PCDHA12: variants seen among roughly 807,000 people sequenced by gnomAD.
PCDHA12 encodes the protein protocadherin alpha-12.
Under a neutral mutation model 60.0 loss-of-function variants are expected in PCDHA12, and 44 were observed. The observed-to-expected ratio is 0.73, with a 90% CI of 0.58 to 0.94. The LOEUF is 0.94. PCDHA12 is among the 40% of genes least tolerant of loss of function. PCDHA12 has a pLI of 0.00. For synonymous variants in PCDHA12, 569 were observed against 553.0 expected (o/e 1.03, Z -0.40); for missense variants, 1,276 against 1,239.7 (o/e 1.03, Z -0.44).
intron 1 of PCDHA12, among the ~76,000 whole-genome samples, chr5:140,944,359 T>C (rs1248806355): frequency 6.6e-6 from 1 of 152,092 alleles, no homozygotes; most frequent in African/African-American, 2.4e-5. Context: ...GGCTAATTTT[T>C]AATTTTTTAT....
chr5:141,004,715 G>T (rs989871938), intron 3 of PCDHA12, among the ~76,000 whole-genome samples: 2 of 152,162 alleles, frequency 1.3e-5, no homozygotes, highest in African/African-American at 2.4e-5. Flanking sequence ...CGAATCAGAG[G>T]TTTTTAAATA....
intron 1 of PCDHA12, among the ~76,000 whole-genome samples, chr5:140,894,199 GC>G (rs2064359112): frequency 6.6e-6 from 1 of 151,732 alleles, no homozygotes; most frequent in Admixed American, 6.6e-5. Context: ...TTTTTTCTAT[GC>G]TATTATATTC....
intron 1 of PCDHA12, among the ~76,000 whole-genome samples, chr5:140,913,961 A>T (rs909283613): frequency 2.0e-5 from 3 of 149,744 alleles, no homozygotes; most frequent in South Asian, 2.1e-4. Context: ...TATCATTTTT[A>T]AAAAAATATT....
chr5:140,967,903 A>G, intron 1 of PCDHA12: 1 of 1,614,112 alleles, frequency 6.2e-7, no homozygotes, highest in African/African-American at 1.3e-5. Context: ...AGAATGCTAC[A>G]CCCAACACCA....
chr5:140,973,362 A>G (rs2096583702), intron 1 of PCDHA12, among the ~76,000 whole-genome samples: 1 of 152,256 alleles, frequency 6.6e-6, no homozygotes, highest in Non-Finnish European at 1.5e-5. Flanking sequence ...ATTTATAAAA[A>G]TTGCACAATG....
At chr5:140,908,234 C>T (rs1262299431) in intron 1 of PCDHA12, among the ~76,000 whole-genome samples, 5 of 152,184 alleles carry the variant, frequency 3.3e-5, no homozygotes, top group Non-Finnish European at 7.3e-5. Context: ...CCTTAGTCTT[C>T]TCTTCCTCAT....
intron 1 of PCDHA12, among the ~76,000 whole-genome samples, chr5:140,935,092 C>T (rs1015892831): frequency 2.6e-5 from 4 of 152,100 alleles, no homozygotes; most frequent in Non-Finnish European, 5.9e-5. Context: ...TTCCCAGAAT[C>T]AGCCATTTTT....
intron 1 of PCDHA12, among the ~76,000 whole-genome samples, chr5:140,936,995 A>G (rs2091251299): frequency 6.6e-6 from 1 of 151,864 alleles, no homozygotes; most frequent in Non-Finnish European, 1.5e-5. Flanking sequence ...CATTGACAAT[A>G]TTGAGACAGA....
intron 3 of PCDHA12, among the ~76,000 whole-genome samples, chr5:140,999,763 T>C (rs1475737646): frequency 2.0e-5 from 3 of 152,200 alleles, no homozygotes; most frequent in African/African-American, 7.2e-5. Flanking sequence ...ACATGATGTC[T>C]TTATACTCTT....
intron 1 of PCDHA12, chr5:140,881,374 G>A: frequency 3.0e-6 from 3 of 984,938 alleles, no homozygotes; most frequent in Non-Finnish European, 3.6e-6. Flanking sequence ...ATGAATTGCA[G>A]CCGGCGGCGG....
chr5:140,959,073 G>A (rs775479268), intron 1 of PCDHA12, among the ~76,000 whole-genome samples: 2 of 152,094 alleles, frequency 1.3e-5, no homozygotes, highest in Non-Finnish European at 2.9e-5. Flanking sequence ...ATAGAATTCA[G>A]TATTATCCTT....
rs2098422397 is a variant in PCDHA12 at position 141,011,934 on chromosome 5, T to C, written c.*1997T>C. The C allele has an allele frequency of 6.5e-6, 1 of 153,836 alleles. No homozygotes were observed. The highest frequency in any genetic ancestry group is 6.5e-5 in the Admixed American group (1 of 15,306). The allele number at this position is 153,836 out of a possible 1,614,324, so 9.5% of individuals were successfully genotyped here. On this transcript the variant is annotated 3_prime_UTR_variant, in exon 4 of 4. Transcript: ENST00000398631. ...TAATATAAAAGAGGTAGGAGTCTGT[T>C]ATTTAAAAAAAGCATTAAATTTAAA...
intron 1 of PCDHA12, among the ~76,000 whole-genome samples, chr5:140,941,202 CCTTTCTTTCTTCCTTTCTTT>C (rs1442425625): frequency 7.3e-5 from 9 of 122,742 alleles, no homozygotes; most frequent in Non-Finnish European, 1.3e-4. Context: ...TTTCTTTCTT[CCTTTCTTTCTTCCTTTCTTT>C]CTTTCTTTCT....
chr5:140,896,485 C>G (rs1259028670), intron 1 of PCDHA12, among the ~76,000 whole-genome samples: 1 of 152,032 alleles, frequency 6.6e-6, no homozygotes, highest in Non-Finnish European at 1.5e-5. Context: ...GCCTCAGCCT[C>G]CTGAGTAGCT....
chr5:141,007,812 G>C (rs1446053616), intron 3 of PCDHA12, among the ~76,000 whole-genome samples: 2 of 152,078 alleles, frequency 1.3e-5, no homozygotes, highest in Non-Finnish European at 2.9e-5. Context: ...CCATTCATTT[G>C]CCTTCCCCCA....
rs1316558090 is a variant in PCDHA12, at chr5:140,876,786, G to A, written c.1314G>A (p.Thr438=). 4 of 1,614,114 alleles carry A rather than the reference G, an allele frequency of 2.5e-6. No individual in the cohort carries two copies. In the African/African-American group the frequency reaches 5.3e-5, roughly 22 times the overall value. ...GGGGCTCGCCTTCGCTGTGGGCCAC[G>A]GCTAGAGTGTCCGTGGAGGTGGCCG... is the stretch of plus-strand genomic sequence containing the variant. The part of the protein sequence containing the change: ...RDGGSPSLWA[T]ARVSVEVADV... Residue 438 remains threonine (T), a synonymous_variant, in exon 1 of 4, where the codon ACG becomes ACA. Transcript: ENST00000398631.
chr5:140,927,015 G>A, intron 1 of PCDHA12: 1 of 1,612,466 alleles, frequency 6.2e-7, no homozygotes. Context: ...ATCTCTCCGC[G>A]GACTTGAGGC....
At chr5:140,993,795 C>T (rs1301191394) in intron 3 of PCDHA12, among the ~76,000 whole-genome samples, 2 of 152,128 alleles carry the variant, frequency 1.3e-5, no homozygotes, top group African/African-American at 2.4e-5. Flanking sequence ...ACATGCTGTG[C>T]AGGTTTGTAG....
At position 140,926,291 on chromosome 5, in the gene PCDHA12, G is replaced by A. The variant is rs545188065; in HGVS notation, c.2367+48452G>A. 3.9e-5 allele frequency: 6 copies of A among 152,438 alleles called. No individual in the cohort carries two copies. The South Asian group carries it at 1.0e-3, about 26-fold the overall frequency. 9.4% of individuals were successfully genotyped at this position (152,438 alleles called of 1,614,324 possible). A position where few individuals can be genotyped will look rare whatever the true frequency, so the allele number is the denominator to read the frequency against. ...CCTCCGCTCGGCAGCTCCACGCTGA[G>A]TCCCGCCCTCTCCGCCGGAGAGGTG... On this transcript the variant is annotated intron_variant, in intron 1 of 3. Transcript: ENST00000398631.
Sources: allele counts gnomAD v4.1 joint callset (sites outside exome capture counted in the v4.1 genomes callset), GRCh38; gene constraint gnomAD v4.1.1; transcripts MANE v1.5; gene names NCBI Gene and HGNC (gene_info 2026-07-23, HGNC 2026-07-21).